The following BLTP1 variants were observed in gnomAD, a reference collection of about 807,000 sequenced individuals.
The protein encoded by BLTP1 is fragile site-associated protein.
chr4:122,290,407 A>AT, the BLTP1 span, among the ~76,000 whole-genome samples: 2 of 152,240 alleles, frequency 1.3e-5, no homozygotes, highest in South Asian at 2.1e-4. Flanking sequence ...ACATTATGAC[A>AT]TTTTTTATGA....
the BLTP1 span, among the ~76,000 whole-genome samples, chr4:122,280,688 A>G: frequency 1.3e-5 from 2 of 150,568 alleles, no homozygotes; most frequent in East Asian, 2.0e-4. Context: ...AAAAACAACC[A>G]TGTAAAAGGT....
the BLTP1 span, chr4:122,229,193 G>A: frequency 4.5e-5 from 72 of 1,611,886 alleles, no homozygotes; most frequent in Non-Finnish European, 5.9e-5. Context: ...AGCAGTAGAT[G>A]GAGCCGATAT....
At chr4:122,160,474 G>A in the BLTP1 span, among the ~76,000 whole-genome samples, 1 of 152,116 alleles carries the variant, frequency 6.6e-6, no homozygotes, top group Admixed American at 6.5e-5. Flanking sequence ...TATCTTAAAT[G>A]TATAAAGTTT....
chr4:122,254,690 A>G, the BLTP1 span: 1 of 1,239,366 alleles, frequency 8.1e-7, no homozygotes, highest in South Asian at 3.1e-5. Context: ...GCTCAAAAAG[A>G]AAAGAAATTA....
the BLTP1 span, chr4:122,200,331 A>G: frequency 4.2e-6 from 4 of 949,942 alleles, no homozygotes; most frequent in African/African-American, 7.1e-5. Context: ...TAATCCCAGC[A>G]CTTTGGGAGG....
At chr4:122,229,020 C>T in the BLTP1 span, 1 of 966,668 alleles carries the variant, frequency 1.0e-6, no homozygotes, top group Non-Finnish European at 1.4e-6. Context: ...AAAAATACAT[C>T]AATAACTAGA....
At chr4:122,305,981 G>A in the BLTP1 span, 1 of 1,611,574 alleles carries the variant, frequency 6.2e-7, no homozygotes. Flanking sequence ...CTTCAGATAG[G>A]GAAGCTGTGC....
At chr4:122,168,935 T>C in the BLTP1 span, among the ~76,000 whole-genome samples, 3 of 152,054 alleles carry the variant, frequency 2.0e-5, no homozygotes, top group Non-Finnish European at 4.4e-5. Context: ...GGCAATGTTA[T>C]CTCATTCAAT....
At chr4:122,235,588 G>A in the BLTP1 span, 617 of 360,588 alleles carry the variant, frequency 1.7e-3, no homozygotes, top group Middle Eastern at 2.8e-3. Context: ...GGCGGATCAC[G>A]AGGTCAGGAG....
the BLTP1 span, chr4:122,186,926 T>G: frequency 2.9e-5 from 22 of 758,072 alleles, no homozygotes; most frequent in Non-Finnish European, 3.5e-5. Flanking sequence ...TACTCTTGGC[T>G]TATCATTTTC....
At chr4:122,244,922 C>G in the BLTP1 span, 8 of 1,384,642 alleles carry the variant, frequency 5.8e-6, no homozygotes, top group Non-Finnish European at 7.9e-6. Context: ...AATTGTTGTA[C>G]ATATTCAGAT....
the BLTP1 span, among the ~76,000 whole-genome samples, chr4:122,216,079 T>TTGTCTGTCTGTC: frequency 2.8e-5 from 4 of 141,248 alleles, no homozygotes; most frequent in African/African-American, 1.1e-4. Context: ...GTATCTATCT[T>TTGTCTGTCTGTC]TGTCTGTCTA....
the BLTP1 span, chr4:122,263,652 C>A: frequency 1.8e-6 from 2 of 1,123,572 alleles, no homozygotes; most frequent in African/African-American, 1.6e-5. Context: ...GAACATATAC[C>A]AAAATCTTAT....
the BLTP1 span, chr4:122,187,398 C>G: frequency 6.2e-7 from 1 of 1,607,626 alleles, no homozygotes; most frequent in Non-Finnish European, 8.5e-7. Context: ...TTAAGGTTTT[C>G]TTATTCATGT....
chr4:122,217,767 A>G, the BLTP1 span, among the ~76,000 whole-genome samples: 975 of 152,168 alleles, frequency 6.4e-3, 16 homozygotes, highest in African/African-American at 0.022. Context: ...TATCTTTTGG[A>G]ATAGTTTCAG....
chr4:122,359,805 A>T, the BLTP1 span: 3 of 1,496,650 alleles, frequency 2.0e-6, no homozygotes, highest in Non-Finnish European at 2.7e-6. Context: ...GTTACATATG[A>T]TTATCAAAAA....
the BLTP1 span, chr4:122,249,027 G>A: frequency 4.1e-6 from 4 of 967,858 alleles, no homozygotes; most frequent in African/African-American, 7.0e-5. Context: ...GTGGAACCAT[G>A]ACAAGGTCTA....
At chr4:122,353,064 T>C in the BLTP1 span, 1 of 1,614,058 alleles carries the variant, frequency 6.2e-7, no homozygotes, top group Non-Finnish European at 8.5e-7. The surrounding 1 kb of genome is among the most constrained non-coding windows in gnomAD (Gnocchi z 4.3). Flanking sequence ...GTTTTCATGG[T>C]CCAAATTTTC....
chr4:122,156,893 G>T, the BLTP1 span, among the ~76,000 whole-genome samples: 155 of 152,112 alleles, frequency 1.0e-3, no homozygotes, highest in Non-Finnish European at 2.0e-3. Flanking sequence ...GGAAGGAGAT[G>T]ATGATGATGA....
Sources: gnomAD v4.1 joint callset for allele counts (sites outside exome capture counted in the v4.1 genomes callset) on GRCh38, gnomAD v4.1.1 for gene constraint, Gnocchi (gnomAD v3.1) non-coding constraint, MANE v1.5 for transcripts, NCBI Gene and HGNC (gene_info 2026-07-23, HGNC 2026-07-21) for gene names.